CACNA2D3: variants seen among roughly 807,000 people sequenced by gnomAD.
CACNA2D3 encodes the protein voltage-dependent calcium channel subunit alpha-2/delta-3.
In CACNA2D3, 60 loss-of-function variants were observed where a neutral mutation model predicts 160.6. That is an observed-to-expected ratio of 0.37 (90% CI 0.30 to 0.46). The LOEUF (loss-of-function observed/expected upper bound fraction) is 0.46, where lower values mean the gene tolerates loss of function less well. CACNA2D3 is among the 20% of genes least tolerant of loss of function. The probability of loss-of-function intolerance (pLI) is 1.00; values close to 1 mark genes in which losing one functional copy is unlikely to be tolerated. For missense variants in CACNA2D3, 1,205 were observed against 1,365.0 expected, an observed-to-expected ratio of 0.88 and a Z score of 1.85; for synonymous variants, 558 against 492.9, an observed-to-expected ratio of 1.13 and a Z score of -1.75.
intron 4 of CACNA2D3, among the ~76,000 whole-genome samples, chr3:54,464,553 T>C (rs918334721): frequency 2.0e-5 from 3 of 152,166 alleles, no homozygotes; most frequent in African/African-American, 7.2e-5. Context: ...TCAGCAAGAC[T>C]CCGTGGGCGT....
intron 21 of CACNA2D3, among the ~76,000 whole-genome samples, chr3:54,882,041 TG>T (rs1263045345): frequency 6.6e-6 from 1 of 152,080 alleles, no homozygotes; most frequent in Non-Finnish European, 1.5e-5. Context: ...CAACCCAGAG[TG>T]TGCCCACCAA....
chr3:54,993,885 A>AGTGT (rs34012508), intron 31 of CACNA2D3, among the ~76,000 whole-genome samples: 12,935 of 111,338 alleles, frequency 0.12, 689 homozygotes, highest in Middle Eastern at 0.14. Context: ...TGCAACTGCT[A>AGTGT]GTGTGTGTGT....
chr3:54,188,226 TAAAAACAAACAAACAAA>T (rs1302963355), intron 2 of CACNA2D3, among the ~76,000 whole-genome samples: 105 of 135,568 alleles, frequency 7.7e-4, no homozygotes, highest in African/African-American at 2.8e-3. Flanking sequence ...AGGGAGAACT[TAAAAACAAACAAACAAA>T]CAAACAAACA....
chr3:54,404,292 A>G (rs1699530418), intron 4 of CACNA2D3, among the ~76,000 whole-genome samples: 1 of 152,192 alleles, frequency 6.6e-6, no homozygotes, highest in South Asian at 2.1e-4. Context: ...AGAAGATTAT[A>G]CATCATGATC....
At position 54,122,960 on chromosome 3, in the gene CACNA2D3, G is replaced by A. The variant is rs893899650; in HGVS notation, c.122+125G>A. On this transcript the variant is annotated intron_variant, in intron 1 of 37. Transcript: ENST00000474759. Reference sequence around the variant, plus strand: ...GCCGCGGGCGTCGGCCTCGCCGCTCGCACCTGCCTTTCGGGACCCGCGTCG... The same window carrying A: ...GCCGCGGGCGTCGGCCTCGCCGCTCACACCTGCCTTTCGGGACCCGCGTCG... 2.1e-5 allele frequency: 19 copies of A among 918,202 alleles called. No homozygotes were observed. The Middle Eastern group carries it at 2.1e-3, about 99-fold the overall frequency. 56.9% of individuals were successfully genotyped at this position (918,202 alleles called of 1,614,324 possible).
At chr3:54,317,177 A>G (rs906979356) in intron 2 of CACNA2D3, among the ~76,000 whole-genome samples, 4 of 152,168 alleles carry the variant, frequency 2.6e-5, no homozygotes, top group African/African-American at 9.7e-5. Context: ...CTTCCATTTG[A>G]ACTTAGGAAT....
chr3:54,559,374 C>T (rs1198882127), intron 5 of CACNA2D3, among the ~76,000 whole-genome samples: 3 of 152,068 alleles, frequency 2.0e-5, no homozygotes, highest in Non-Finnish European at 4.4e-5. Flanking sequence ...CTCGGCTCAA[C>T]CTCCGCCTCC....
intron 11 of CACNA2D3, among the ~76,000 whole-genome samples, chr3:54,660,893 C>G (rs1699957576): frequency 6.6e-6 from 1 of 152,142 alleles, no homozygotes; most frequent in Non-Finnish European, 1.5e-5. Context: ...TTGTTCTATT[C>G]TGCTCACTCC....
At chr3:54,225,113 C>T (rs997369878) in intron 2 of CACNA2D3, among the ~76,000 whole-genome samples, 1 of 151,956 alleles carries the variant, frequency 6.6e-6, no homozygotes, top group East Asian at 1.9e-4. Context: ...CTCCACCCAC[C>T]CCACAACAGG....
chr3:54,339,349 T>C (rs542054364), intron 3 of CACNA2D3, among the ~76,000 whole-genome samples: 79 of 152,328 alleles, frequency 5.2e-4, no homozygotes, highest in African/African-American at 1.9e-3. Flanking sequence ...TCCTTGGCCC[T>C]CTTGCCTAAG....
chr3:55,034,136 T>A (rs189552962), intron 35 of CACNA2D3, among the ~76,000 whole-genome samples: 37 of 151,722 alleles, frequency 2.4e-4, no homozygotes, highest in African/African-American at 8.7e-4. Context: ...GGAAAAAAAA[T>A]GCACTCTGGA....
intron 4 of CACNA2D3, among the ~76,000 whole-genome samples, chr3:54,453,872 T>C (rs556865175): frequency 2.0e-5 from 3 of 152,332 alleles, no homozygotes; most frequent in African/African-American, 7.2e-5. Flanking sequence ...GTTGGGGAGA[T>C]CGATTTTATT....
intron 3 of CACNA2D3, among the ~76,000 whole-genome samples, chr3:54,329,763 A>G (rs897693734): frequency 2.6e-5 from 4 of 152,208 alleles, no homozygotes; most frequent in African/African-American, 9.7e-5. Context: ...TAATAATAAT[A>G]ATGATAATAA....
chr3:54,435,172 A>G, intron 4 of CACNA2D3, among the ~76,000 whole-genome samples: 1 of 152,154 alleles, frequency 6.6e-6, no homozygotes, highest in East Asian at 1.9e-4. Context: ...ATGAAGTGGA[A>G]CAAGGTAGTG....
chr3:54,422,316 G>A (rs566506172), intron 4 of CACNA2D3, among the ~76,000 whole-genome samples: 1 of 152,308 alleles, frequency 6.6e-6, no homozygotes, highest in East Asian at 1.9e-4. Context: ...AATTGCAGTA[G>A]TGTTAGTAAC....
At chr3:54,223,599 T>C (rs1701613619) in intron 2 of CACNA2D3, among the ~76,000 whole-genome samples, 1 of 152,106 alleles carries the variant, frequency 6.6e-6, no homozygotes, top group South Asian at 2.1e-4. Flanking sequence ...CCTAGCACTG[T>C]AATCCCATCA....
chr3:54,734,445 T>C (rs1168130346), intron 11 of CACNA2D3, among the ~76,000 whole-genome samples: 4 of 152,116 alleles, frequency 2.6e-5, no homozygotes, highest in African/African-American at 7.2e-5. Flanking sequence ...AGCAGGCTTT[T>C]AGGAGGCCAG....
chr3:54,778,281 T>C (rs7618235), intron 13 of CACNA2D3, among the ~76,000 whole-genome samples: 37,656 of 151,880 alleles, frequency 0.25, 4,781 homozygotes, highest in Admixed American at 0.31. Flanking sequence ...TTCTCCAACA[T>C]TGGGGGTTAC....
intron 35 of CACNA2D3, among the ~76,000 whole-genome samples, chr3:55,021,145 C>T (rs1353997449): frequency 1.3e-5 from 2 of 151,986 alleles, no homozygotes; most frequent in African/African-American, 4.8e-5. Flanking sequence ...TGTGTTTTTT[C>T]ATGTGTGTAT....
Sources: allele counts gnomAD v4.1 joint callset (sites outside exome capture counted in the v4.1 genomes callset), GRCh38; gene constraint gnomAD v4.1.1; transcripts MANE v1.5; gene names NCBI Gene and HGNC (gene_info 2026-07-23, HGNC 2026-07-21).